The following GART variants were observed in gnomAD, a reference collection of about 807,000 sequenced individuals.
GART encodes the protein phosphoribosylglycinamide formyltransferase, phosphoribosylglycinamide synthetase, phosphoribosylaminoimidazole synthetase, also known as trifunctional purine biosynthetic protein adenosine-3.
In GART, 43 loss-of-function variants were observed where a neutral mutation model predicts 107.2. That is an observed-to-expected ratio of 0.40 (90% CI 0.31 to 0.52). GART has a LOEUF of 0.52. GART is among the 20% of genes least tolerant of loss of function. The pLI is 0.52. For missense variants in GART, 1,107 were observed against 1,206.5 expected (o/e 0.92, Z 1.22); for synonymous variants, 434 against 427.0 (o/e 1.02, Z -0.20).
intron 14 of GART, chr21:33,518,718 G>A: frequency 2.3e-6 from 1 of 440,108 alleles, no homozygotes; most frequent in Non-Finnish European, 4.5e-6. Flanking sequence ...CTCCTTACAA[G>A]ATCTAGAACT....
intron 17 of GART, chr21:33,510,262 G>A (rs145184484): frequency 5.9e-5 from 11 of 186,528 alleles, no homozygotes; most frequent in East Asian, 5.7e-4. Context: ...TCCTGGTCTC[G>A]GGGATAAGCA....
intron 7 of GART, among the ~76,000 whole-genome samples, chr21:33,530,146 C>T (rs1287912590): frequency 6.6e-6 from 1 of 152,170 alleles, no homozygotes; most frequent in Non-Finnish European, 1.5e-5. Context: ...GAGCCAAGAT[C>T]GTGCCACTGC....
At chr21:33,540,777 G>A (rs767282512) in intron 1 of GART, among the ~76,000 whole-genome samples, 1 of 152,168 alleles carries the variant, frequency 6.6e-6, no homozygotes, top group African/African-American at 2.4e-5. Flanking sequence ...AAAAATGTAA[G>A]CTGACAATAT....
chr21:33,542,731 T>C (rs1272455710), upstream of GART: 1 of 232,182 alleles, frequency 4.3e-6, no homozygotes, highest in Non-Finnish European at 8.6e-6. Context: ...TCGCCTTTAA[T>C]CTCAGGCACT....
chr21:33,518,275 C>T (rs535677272), intron 14 of GART, among the ~76,000 whole-genome samples: 6 of 151,618 alleles, frequency 4.0e-5, no homozygotes, highest in Non-Finnish European at 8.8e-5. Context: ...GTCAGGAGTT[C>T]GAGACTATCC....
rs925809100 is a variant in GART at position 33,524,343 on chromosome 21, A to G, written c.1298+426T>C. ...AGCAGGAGGATCACTTGAGCCCAGGATTTCAGACTGGCCTTGGCAACATGG... is the reference window on the plus strand; with the variant it reads ...AGCAGGAGGATCACTTGAGCCCAGGGTTTCAGACTGGCCTTGGCAACATGG... On this transcript the variant is annotated intron_variant, in intron 11 of 21. Coordinates refer to ENST00000381815, the MANE Select transcript of GART (RefSeq NM_000819.5). 9.3e-6 allele frequency: 8 copies of G among 857,316 alleles called. No individual in the cohort carries two copies. The African/African-American group carries it at 1.5e-4, about 16-fold the overall frequency. 53.1% of individuals were successfully genotyped at this position (857,316 alleles called of 1,614,324 possible). A position where few individuals can be genotyped will look rare whatever the true frequency, so the allele number is the denominator to read the frequency against.
Position 33,530,786 on chromosome 21 carries a change from T to TC in GART, c.695dup (p.Met233AsnfsTer12). 1 of 1,517,418 alleles carries TC rather than the reference T, an allele frequency of 6.6e-7. No individual in the cohort carries two copies. Among genetic ancestry groups the TC allele is most frequent in the South Asian group, 1.3e-5 (1 of 74,254 alleles). The allele number at this position is 1,517,418 out of a possible 1,614,324, so 94.0% of individuals were successfully genotyped here. A position where few individuals can be genotyped will look rare whatever the true frequency, so the allele number is the denominator to read the frequency against. On this transcript the variant is annotated frameshift_variant, in exon 7 of 22. Coordinates refer to ENST00000381815, the MANE Select transcript of GART (RefSeq NM_000819.5). LOFTEE classifies it high-confidence loss of function. ...GAGGGGCTGGACAATAGGCTCCCAT[T>TC]CCCCCTGTGTTAGGGCCACCATCTC... is the stretch of plus-strand genomic sequence containing the variant.
At chr21:33,524,459 G>A (rs911976657) in intron 11 of GART, 3 of 652,922 alleles carry the variant, frequency 4.6e-6, no homozygotes, top group Non-Finnish European at 5.7e-6. Context: ...GCTGAGGCAT[G>A]AGAACTTGGG....
upstream of GART, chr21:33,542,127 G>C (rs767121078): frequency 1.1e-4 from 17 of 151,954 alleles, no homozygotes; most frequent in Non-Finnish European, 2.4e-4. Context: ...CACCGGGACC[G>C]GCGCGGGACC....
intron 16 of GART, among the ~76,000 whole-genome samples, chr21:33,516,466 A>C (rs905527724): frequency 2.6e-5 from 4 of 152,052 alleles, no homozygotes; most frequent in Non-Finnish European, 4.4e-5. Context: ...GCTCACAGTC[A>C]CCTTGGAATA....
chr21:33,534,880 T>C (rs1601226799), intron 3 of GART, 127 bp from the exon 4 acceptor site: 1 of 750,766 alleles, frequency 1.3e-6, no homozygotes, highest in East Asian at 3.0e-5. Flanking sequence ...AGAGGATAAC[T>C]AACTTTTTCA....
In GART at chr21:33,528,505, A is replaced by T; in HGVS notation, c.897+14T>A. 3 of 1,586,914 alleles carry T rather than the reference A, an allele frequency of 1.9e-6. No homozygotes were observed. Among genetic ancestry groups the T allele is most frequent in the South Asian group, 2.3e-5 (2 of 87,176 alleles). ...ATATCTTCTACCAAGTAATACTTTG[A>T]TATTTTTACCCACTTGGCACTCTGG... On this transcript the variant is annotated intron_variant, in intron 9 of 21. Transcript: ENST00000381815.
At chr21:33,512,579 T>A (rs1232054867) in intron 16 of GART, among the ~76,000 whole-genome samples, 1 of 152,080 alleles carries the variant, frequency 6.6e-6, no homozygotes, top group Non-Finnish European at 1.5e-5. Flanking sequence ...TTATTTGATT[T>A]ATTTATTGGA....
intron 4 of GART, among the ~76,000 whole-genome samples, chr21:33,534,171 T>A (rs1244286871): frequency 1.3e-5 from 2 of 152,186 alleles, no homozygotes; most frequent in Non-Finnish European, 2.9e-5. Flanking sequence ...TGAGACAGCC[T>A]AAAGACCTAG....
At chr21:33,520,341 T>C (rs761604103) in intron 14 of GART, 23 bp downstream of exon 14, 4 of 1,606,824 alleles carry the variant, frequency 2.5e-6, no homozygotes, top group Admixed American at 1.7e-5. Context: ...TGACATGTTA[T>C]TGATTAAAAT....
chr21:33,504,076 C>G lies in GART; in HGVS notation c.*48G>C. The G allele has an allele frequency of 6.6e-7, 1 of 1,515,622 alleles. No homozygotes were observed. Among genetic ancestry groups the G allele is most frequent in the Non-Finnish European group, 8.9e-7 (1 of 1,125,620 alleles). The allele number at this position is 1,515,622 out of a possible 1,614,324, so 93.9% of individuals were successfully genotyped here. On this transcript the variant is annotated 3_prime_UTR_variant, in exon 22 of 22. Coordinates refer to ENST00000381815, the MANE Select transcript of GART (RefSeq NM_000819.5). ...CCATGATAAAAAACCACCATGCAAA[C>G]AGCAAATAATTCTTTCTAAACTGGC...
upstream of GART, chr21:33,542,405 C>CA (rs2085464059): frequency 6.6e-6 from 1 of 152,454 alleles, no homozygotes; most frequent in African/African-American, 2.4e-5. Flanking sequence ...GCTCACGAGT[C>CA]AGAGCTGAGC....
chr21:33,532,501 C>T, intron 4 of GART, 45 bp from the exon 5 acceptor site: 2 of 1,405,286 alleles, frequency 1.4e-6, no homozygotes, highest in African/African-American at 1.4e-5. Context: ...ACCATTACAA[C>T]TCAAGATTTT....
intron 11 of GART, chr21:33,524,348 A>G (rs1020393880): frequency 1.7e-5 from 14 of 846,114 alleles, no homozygotes; most frequent in Non-Finnish European, 4.3e-6. Context: ...CCAGGATTTC[A>G]GACTGGCCTT....
Sources: gnomAD v4.1 joint callset for allele counts (sites outside exome capture counted in the v4.1 genomes callset) on GRCh38, gnomAD v4.1.1 for gene constraint, MANE v1.5 for transcripts, NCBI Gene and HGNC (gene_info 2026-07-23, HGNC 2026-07-21) for gene names.